The following GPR89A variants were observed in gnomAD, a reference collection of about 807,000 sequenced individuals.
GPR89A encodes golgi pH regulator A.
Under a neutral mutation model 52.0 loss-of-function variants are expected in GPR89A, and 16 were observed. The ratio of observed to expected loss-of-function variants is 0.31; its 90% CI spans 0.21 to 0.47. The LOEUF (loss-of-function observed/expected upper bound fraction) is 0.47, where lower values mean the gene tolerates loss of function less well. Ranked by LOEUF, GPR89A falls within the 20% of genes least tolerant of loss-of-function variation. The pLI is 1.00. For missense variants in GPR89A, 135 were observed against 449.4 expected, an observed-to-expected ratio of 0.30 and a Z score of 6.33; for synonymous variants, 55 against 150.9, an observed-to-expected ratio of 0.36 and a Z score of 4.66.
At chr1:145,613,928 A>G (rs1236839629) in intron 1 of GPR89A, among the ~76,000 whole-genome samples, 1 of 152,078 alleles carries the variant, frequency 6.6e-6, no homozygotes, top group Admixed American at 6.6e-5. Flanking sequence ...CTGGAACTAC[A>G]GGCACGCACC....
intron 3 of GPR89A, among the ~76,000 whole-genome samples, chr1:145,619,241 G>A (rs1472718658): frequency 1.2e-4 from 18 of 144,792 alleles, no homozygotes; most frequent in Non-Finnish European, 2.3e-4. Context: ...AGTTGAAAAC[G>A]AAATTTAAAT....
At chr1:145,625,244 G>A (rs1413531313) in intron 5 of GPR89A, among the ~76,000 whole-genome samples, 4 of 150,756 alleles carry the variant, frequency 2.7e-5, no homozygotes, top group Admixed American at 2.6e-4. Flanking sequence ...CCTGCCAAAA[G>A]CATTCAAACT....
intron 10 of GPR89A, among the ~76,000 whole-genome samples, chr1:145,653,190 G>A (rs1651583927): frequency 6.6e-6 from 1 of 151,004 alleles, no homozygotes; most frequent in African/African-American, 2.5e-5. Flanking sequence ...TGTTCTCATA[G>A]TATCAAATAA....
intron 10 of GPR89A, among the ~76,000 whole-genome samples, chr1:145,655,232 T>G (rs1353155317): frequency 1.3e-5 from 2 of 152,168 alleles, no homozygotes; most frequent in Non-Finnish European, 2.9e-5. Flanking sequence ...TTGCATTGGG[T>G]TAGAACATTA....
intron 10 of GPR89A, among the ~76,000 whole-genome samples, chr1:145,654,573 A>G (rs12039398): frequency 1.4e-5 from 2 of 148,006 alleles, no homozygotes; most frequent in African/African-American, 2.5e-5. Context: ...AAAAAAAAAC[A>G]GAATGTTGAA....
At chr1:145,636,517 G>A (rs1303084789) in intron 7 of GPR89A, among the ~76,000 whole-genome samples, 41 of 151,120 alleles carry the variant, frequency 2.7e-4, no homozygotes, top group Non-Finnish European at 4.7e-4. Flanking sequence ...AGAGGCATAC[G>A]TCTTCCTGTT....
chr1:145,669,032 GT>G (rs782449431), intron 12 of GPR89A, among the ~76,000 whole-genome samples: 10 of 151,594 alleles, frequency 6.6e-5, no homozygotes, highest in Admixed American at 1.3e-4. Flanking sequence ...CTCTTTTTTT[GT>G]TGTGTCTCTG....
At chr1:145,652,969 A>G (rs1322321715) in intron 10 of GPR89A, among the ~76,000 whole-genome samples, 1 of 109,038 alleles carries the variant, frequency 9.2e-6, no homozygotes, top group Non-Finnish European at 1.7e-5. Context: ...TTCGTGCTCT[A>G]TCTCCTGCAG....
chr1:145,637,424 A>G (rs1273919676), intron 7 of GPR89A, among the ~76,000 whole-genome samples: 13 of 151,408 alleles, frequency 8.6e-5, no homozygotes, highest in African/African-American at 2.9e-4. Flanking sequence ...GAAACCAAGA[A>G]ACTGAGCAGA....
chr1:145,634,063 T>C (rs1248684274), intron 7 of GPR89A, among the ~76,000 whole-genome samples: 11 of 143,806 alleles, frequency 7.6e-5, no homozygotes, highest in Non-Finnish European at 1.5e-4. Context: ...ATTCAAAGAA[T>C]GGAATATTGT....
intron 7 of GPR89A, among the ~76,000 whole-genome samples, chr1:145,634,022 C>T (rs1189485537): frequency 6.6e-6 from 1 of 151,634 alleles, no homozygotes; most frequent in Non-Finnish European, 1.5e-5. Flanking sequence ...GAAAGATATC[C>T]CATGCTCATG....
At chr1:145,646,817 A>G in intron 9 of GPR89A, 1 of 290,518 alleles carries the variant, frequency 3.4e-6, no homozygotes, top group South Asian at 3.6e-5. Flanking sequence ...AGAGGTTAAC[A>G]TAGGCTTTGG....
chr1:145,665,472 C>T lies in GPR89A; in HGVS notation c.1006-90C>T, dbSNP rs1571549665. ...GGTAGGGTCTAATAAAGCTCCCTCT[C>T]ACAGTCATGTAAATGATCGGGATAT... On this transcript the variant is annotated intron_variant, in intron 11 of 13. Coordinates refer to ENST00000313835, the MANE Select transcript of GPR89A (RefSeq NM_001097612.2). The T allele has an allele frequency of 1.9e-6, 3 of 1,569,442 alleles. No individual in the cohort carries two copies. The East Asian group carries it at 6.7e-5, about 35-fold the overall frequency.
At chr1:145,616,592 A>G (rs1376059960) in intron 2 of GPR89A, among the ~76,000 whole-genome samples, 1 of 152,170 alleles carries the variant, frequency 6.6e-6, no homozygotes, top group Non-Finnish European at 1.5e-5. Flanking sequence ...ATGTCTCACA[A>G]ATGTTCCCTT....
intron 2 of GPR89A, among the ~76,000 whole-genome samples, chr1:145,617,921 CAATACTTT>C (rs1553687351): frequency 2.6e-5 from 4 of 151,500 alleles, no homozygotes. Flanking sequence ...TTCTTCTGCC[CAATACTTT>C]AAGACCTCCC....
At chr1:145,666,496 T>G (rs1652557247) in intron 12 of GPR89A, among the ~76,000 whole-genome samples, 1 of 152,104 alleles carries the variant, frequency 6.6e-6, no homozygotes, top group African/African-American at 2.4e-5. Context: ...TCACTTAAAA[T>G]CTCAGTTTCC....
At chr1:145,608,301 C>G in intron 1 of GPR89A, 126 bp downstream of exon 1, 1 of 1,356,362 alleles carries the variant, frequency 7.4e-7, no homozygotes, top group Non-Finnish European at 1.0e-6. Flanking sequence ...GCTAGTCACT[C>G]TGGCACCCAG....
chr1:145,644,815 G>A (rs1473052635), intron 8 of GPR89A: 1 of 152,350 alleles, frequency 6.6e-6, no homozygotes, highest in Non-Finnish European at 1.5e-5. Context: ...GATTGGTTAT[G>A]ATGTTGAACT....
intron 12 of GPR89A, among the ~76,000 whole-genome samples, chr1:145,668,776 T>C (rs1412409781): frequency 6.6e-6 from 1 of 152,176 alleles, no homozygotes; most frequent in Non-Finnish European, 1.5e-5. Context: ...GTTTTTAGCA[T>C]GGAGGGCTGT....
Sources: allele counts gnomAD v4.1 joint callset (sites outside exome capture counted in the v4.1 genomes callset), GRCh38; gene constraint gnomAD v4.1.1; transcripts MANE v1.5; gene names NCBI Gene and HGNC (gene_info 2026-07-23, HGNC 2026-07-21).